Variants in MARVELD3 observed in about 807,000 individuals in gnomAD.
The protein encoded by MARVELD3 is MARVEL domain containing 3.
Under a neutral mutation model 33.5 loss-of-function variants are expected in MARVELD3, and 28 were observed. That is an observed-to-expected ratio of 0.84 (90% CI 0.62 to 1.15). The LOEUF (loss-of-function observed/expected upper bound fraction) is 1.15. MARVELD3 is among the 50% of genes most tolerant of loss of function. The probability of loss-of-function intolerance (pLI) is 0.00; values close to 1 mark genes in which losing one functional copy is unlikely to be tolerated. For synonymous variants in MARVELD3, 241 were observed against 230.4 expected (o/e 1.05, Z -0.42); for missense variants, 582 against 547.6 (o/e 1.06, Z -0.63).
In MARVELD3 at chr16:71,634,249, G is replaced by C; in HGVS notation, c.652G>C (p.Val218Leu). ...LNLLILACSS[V>L]SYSSTGGYTG... ...CTTGCTGATCCTGGCCTGCAGCTCT[G>C]TGTCTTACAGTTCCACAGGGGGCTA... The change falls in exon 3 of 3, where the codon GTG becomes CTG. Residue 218 changes from valine to leucine, a missense_variant. By Grantham distance (32) the Val-to-Leu change is conservative. Transcript: ENST00000268485. 3.7e-6 allele frequency: 6 copies of C among 1,614,048 alleles called. No individual in the cohort carries two copies. Among genetic ancestry groups the C allele is most frequent in the Non-Finnish European group, 5.1e-6 (6 of 1,179,916 alleles).
intron 1 of MARVELD3, chr16:71,628,925 G>A (rs111573928): frequency 6.5e-6 from 1 of 155,008 alleles, no homozygotes; most frequent in African/African-American, 2.4e-5. Flanking sequence ...AAAATCCGTG[G>A]TCTGCAGCTC....
chr16:71,641,804 C>G (rs2044621799), exon 3 of MARVELD3: 1 of 152,182 alleles, frequency 6.6e-6, no homozygotes, highest in Admixed American at 6.5e-5. Flanking sequence ...TTATTAGACC[C>G]TGAAGCATAC....
chr16:71,640,582 G>A (rs770140414), downstream of MARVELD3: 35 of 1,614,052 alleles, frequency 2.2e-5, no homozygotes, highest in African/African-American at 1.6e-4. Flanking sequence ...ACGATCCTCC[G>A]CTCGCCCCTG....
At chr16:71,628,394 GAGCGCGGTGGCGCACGCCTGTAATCTC>G (rs925940156) in intron 1 of MARVELD3, among the ~76,000 whole-genome samples, 10 of 152,126 alleles carry the variant, frequency 6.6e-5, no homozygotes, top group Non-Finnish European at 1.2e-4. Context: ...AAAATTAGCA[GAGCGCGGTGGCGCACGCCTGTAATCTC>G]AGCTACTCGG....
In MARVELD3 at chr16:71,626,503, G is replaced by T. The variant is rs892336117; in HGVS notation, c.274G>T (p.Asp92Tyr). The change falls in exon 1 of 3, where the codon GAC becomes TAC. Residue 92 changes from aspartate (D) to tyrosine (Y), a missense_variant. Coordinates refer to ENST00000268485, the MANE Select transcript of MARVELD3 (RefSeq NM_052858.6). This position sits in a 1 kb window ranked among gnomAD's most constrained non-coding sequence, Gnocchi z 5.3. ...AGACCCGGACCGAGGCCCCCGCCGGGACACACACAGGGACGCGGGCCCTCG... is the reference window on the plus strand; with the variant it reads ...AGACCCGGACCGAGGCCCCCGCCGGTACACACACAGGGACGCGGGCCCTCG... ...ERDPDRGPRR[D>Y]THRDAGPRAG... 1.3e-6 allele frequency: 2 copies of T among 1,549,746 alleles called. No individual in the cohort carries two copies. Among genetic ancestry groups the T allele is most frequent in the Admixed American group, 3.9e-5 (2 of 51,006 alleles).
rs1597077373 is a variant in MARVELD3 at position 71,634,323 on chromosome 16, G to A, written c.726G>A (p.Gly242=). The change falls in exon 3 of 3, where the codon GGG becomes GGA. Residue 242 remains glycine (G), a synonymous_variant. Transcript: ENST00000268485. ...LGGIYYYQFG[G]AYSGFDGADG... is the part of the protein sequence containing the mutation. ...GCATTTACTACTATCAGTTCGGAGG[G>A]GCTTACAGTGGCTTTGATGGTGCTG... 1.9e-6 allele frequency: 3 copies of A among 1,614,176 alleles called. No homozygotes were observed. The highest frequency in any genetic ancestry group is 2.5e-6 in the Non-Finnish European group (3 of 1,180,040).
At chr16:71,640,959 A>G (rs1567607607), downstream of MARVELD3, 1 of 1,613,918 alleles carries the variant, frequency 6.2e-7, no homozygotes, top group East Asian at 2.2e-5. Context: ...GAAGCGCTAC[A>G]AAGGCAGCCG....
At chr16:71,640,439 C>A, downstream of MARVELD3, 7 of 1,614,140 alleles carry the variant, frequency 4.3e-6, no homozygotes, top group Non-Finnish European at 5.9e-6. Flanking sequence ...TTCTCATATG[C>A]ATCGTGGCCT....
At position 71,635,010 on chromosome 16, in the gene MARVELD3, G is replaced by A; in HGVS notation, c.*207G>A. 1 of 1,302,254 alleles carries A rather than the reference G, an allele frequency of 7.7e-7. No individual in the cohort carries two copies. Among genetic ancestry groups the A allele is most frequent in the Non-Finnish European group, 9.8e-7 (1 of 1,025,570 alleles). The allele number at this position is 1,302,254 out of a possible 1,614,324, so 80.7% of individuals were successfully genotyped here. ...CTTCTGGAGTCCTCTGTGAGTGAGG[G>A]ACCAATCAAAATTATTTTTCAAAAA... On this transcript the variant is annotated 3_prime_UTR_variant, in exon 3 of 3. Coordinates refer to ENST00000268485, the MANE Select transcript of MARVELD3 (RefSeq NM_052858.6).
Position 71,634,999 on chromosome 16 carries a change from T to C in MARVELD3, c.*196T>C. ...ACAGACCCTGGCTTCTGGAGTCCTC[T>C]GTGAGTGAGGGACCAATCAAAATTA... On this transcript the variant is annotated 3_prime_UTR_variant, in exon 3 of 3. Transcript: ENST00000268485. 7.4e-7 allele frequency: 1 copy of C among 1,355,948 alleles called. No homozygotes were observed. The highest frequency in any genetic ancestry group is 9.5e-7 in the Non-Finnish European group (1 of 1,055,452). 84.0% of individuals were successfully genotyped at this position (1,355,948 alleles called of 1,614,324 possible). A position where few individuals can be genotyped will look rare whatever the true frequency, so the allele number is the denominator to read the frequency against.
chr16:71,640,788 G>A (rs554767506), downstream of MARVELD3: 27 of 1,614,100 alleles, frequency 1.7e-5, no homozygotes, highest in Non-Finnish European at 2.2e-5. Flanking sequence ...CAATAGCACC[G>A]ACACTTGCAA....
downstream of MARVELD3, chr16:71,640,403 AGTGGAG>A: frequency 3.1e-6 from 5 of 1,614,104 alleles, no homozygotes; most frequent in Non-Finnish European, 4.2e-6. Flanking sequence ...TGGTGCAGAT[AGTGGAG>A]GTGGTCTTGA....
chr16:71,636,845 C>T (rs1001847719), downstream of MARVELD3, among the ~76,000 whole-genome samples: 3 of 152,304 alleles, frequency 2.0e-5, no homozygotes, highest in Non-Finnish European at 4.4e-5. Context: ...CCCACCTCAG[C>T]CTCCCAAAGT....
At chr16:71,633,170 C>G (rs2044548983) in intron 2 of MARVELD3, among the ~76,000 whole-genome samples, 1 of 151,752 alleles carries the variant, frequency 6.6e-6, no homozygotes, top group Non-Finnish European at 1.5e-5. Flanking sequence ...TGAGACCAGC[C>G]TAGGCAACAC....
At chr16:71,627,470 C>T (rs1391520464) in intron 1 of MARVELD3, among the ~76,000 whole-genome samples, 2 of 150,914 alleles carry the variant, frequency 1.3e-5, no homozygotes, top group African/African-American at 4.9e-5. Flanking sequence ...CACCACTGCA[C>T]TCCAGCCTGG....
chr16:71,634,110 T>G (rs1260815664), intron 2 of MARVELD3, 83 bp from the exon 3 acceptor site: 20 of 1,537,618 alleles, frequency 1.3e-5, no homozygotes, highest in South Asian at 1.3e-4. Flanking sequence ...GTCTGAGCCC[T>G]GCGCGGAAGG....
At chr16:71,633,548 C>G (rs1487843889) in intron 2 of MARVELD3, among the ~76,000 whole-genome samples, 2 of 152,116 alleles carry the variant, frequency 1.3e-5, no homozygotes, top group African/African-American at 4.8e-5. Context: ...TGCTTACCAC[C>G]ATGCCTGGCT....
At chr16:71,627,431 G>C (rs2044485148) in intron 1 of MARVELD3, among the ~76,000 whole-genome samples, 1 of 151,886 alleles carries the variant, frequency 6.6e-6, no homozygotes, top group Middle Eastern at 3.4e-3. Flanking sequence ...TTGAACCCGG[G>C]AGGCGGAGGT....
Position 71,635,990 on chromosome 16 carries a change from A to G in MARVELD3, c.*1187A>G, listed in dbSNP as rs1330051946. The G allele has an allele frequency of 1.0e-6, 1 of 985,348 alleles. No individual in the cohort carries two copies. Among genetic ancestry groups the G allele is most frequent in the Non-Finnish European group, 1.2e-6 (1 of 829,950 alleles). 61.0% of individuals were successfully genotyped at this position (985,348 alleles called of 1,614,324 possible). A position where few individuals can be genotyped will look rare whatever the true frequency, so the allele number is the denominator to read the frequency against. ...ATCTAGAATTCAGGATTCATCCAGA[A>G]TAAAAGGATGTAAAATCTTTCCCAA... On this transcript the variant is annotated 3_prime_UTR_variant, in exon 3 of 3. Transcript: ENST00000268485.
Sources: gnomAD v4.1 joint callset for allele counts (sites outside exome capture counted in the v4.1 genomes callset) on GRCh38, gnomAD v4.1.1 for gene constraint, Gnocchi (gnomAD v3.1) non-coding constraint, MANE v1.5 for transcripts, NCBI Gene and HGNC (gene_info 2026-07-23, HGNC 2026-07-21) for gene names.